Variants in HS3ST5 observed in about 807,000 individuals in gnomAD.
HS3ST5 encodes heparan sulfate glucosamine 3-O-sulfotransferase 5.
A neutral mutation model predicts 25.4 loss-of-function variants in HS3ST5; 10 were observed. The observed-to-expected ratio is 0.39, with a 90% CI of 0.24 to 0.67. The LOEUF (loss-of-function observed/expected upper bound fraction) is 0.67, where lower values mean the gene tolerates loss of function less well. Ranked by LOEUF, HS3ST5 falls within the 30% of genes least tolerant of loss-of-function variation. The pLI is 0.44. For missense variants in HS3ST5, 324 were observed against 420.7 expected (o/e 0.77, Z 2.01); for synonymous variants, 170 against 162.4 (o/e 1.05, Z -0.36).
chr6:114,224,496 A>G (rs1231286160), intron 2 of HS3ST5, among the ~76,000 whole-genome samples: 1 of 151,426 alleles, frequency 6.6e-6, no homozygotes, highest in Non-Finnish European at 1.5e-5. Flanking sequence ...TGTGAGAGGA[A>G]AAGTTCTCTC....
intron 3 of HS3ST5, among the ~76,000 whole-genome samples, chr6:114,067,357 TGTTTAA>T (rs1176946428): frequency 6.6e-6 from 1 of 152,078 alleles, no homozygotes; most frequent in Non-Finnish European, 1.5e-5. Flanking sequence ...ATGGTTAAAC[TGTTTAA>T]GTTTAGCAGA....
chr6:114,332,282 T>C (rs2786206), intron 1 of HS3ST5, among the ~76,000 whole-genome samples: 9,304 of 152,144 alleles, frequency 0.061, 874 homozygotes, highest in African/African-American at 0.2. Context: ...ACCAGGCACA[T>C]TGTCCCCATT....
intron 3 of HS3ST5, among the ~76,000 whole-genome samples, chr6:114,101,434 G>C (rs878913152): frequency 6.6e-6 from 1 of 152,112 alleles, no homozygotes; most frequent in Admixed American, 6.5e-5. Context: ...AGCACCACGT[G>C]GTTAAAAAAT....
At chr6:114,150,720 G>A (rs1189688159) in intron 3 of HS3ST5, among the ~76,000 whole-genome samples, 1 of 152,198 alleles carries the variant, frequency 6.6e-6, no homozygotes, top group African/African-American at 2.4e-5. Context: ...GTTAATGCCT[G>A]AGTGTAGGAG....
intron 3 of HS3ST5, 53 bp downstream of exon 3, chr6:114,168,298 G>A (rs573252234): frequency 6.6e-6 from 1 of 152,164 alleles, no homozygotes; most frequent in East Asian, 1.9e-4. Context: ...ATGAAAGTAG[G>A]GAATGCCAGA....
intron 3 of HS3ST5, among the ~76,000 whole-genome samples, chr6:114,114,929 T>C (rs1226301678): frequency 6.6e-6 from 1 of 152,138 alleles, no homozygotes; most frequent in Non-Finnish European, 1.5e-5. Context: ...AAATCACCTT[T>C]GATATTATCT....
chr6:114,178,492 C>A (rs145009313), intron 2 of HS3ST5, among the ~76,000 whole-genome samples: 1 of 152,308 alleles, frequency 6.6e-6, no homozygotes, highest in African/African-American at 2.4e-5. Flanking sequence ...AGGGAGAATA[C>A]ACACATAGGA....
chr6:114,103,200 A>C (rs1204123564), intron 3 of HS3ST5, among the ~76,000 whole-genome samples: 1 of 152,106 alleles, frequency 6.6e-6, no homozygotes, highest in Non-Finnish European at 1.5e-5. Context: ...ACTTTTAATA[A>C]GTATGAATTC....
intron 1 of HS3ST5, among the ~76,000 whole-genome samples, chr6:114,243,552 G>C (rs2114596304): frequency 6.6e-6 from 1 of 152,314 alleles, no homozygotes; most frequent in East Asian, 1.9e-4. Context: ...GAATAGCACA[G>C]CACAGTTCTT....
chr6:114,217,988 TTTC>T (rs1216090271), intron 2 of HS3ST5, among the ~76,000 whole-genome samples: 1 of 152,092 alleles, frequency 6.6e-6, no homozygotes. Context: ...TACATACGTA[TTTC>T]TTCTTTTCTT....
chr6:114,279,176 T>C (rs1431863369), intron 1 of HS3ST5, among the ~76,000 whole-genome samples: 1 of 152,000 alleles, frequency 6.6e-6, no homozygotes, highest in African/African-American at 2.4e-5. Flanking sequence ...TATGCCAATA[T>C]TTAGATGTGT....
At chr6:114,159,249 C>CA (rs1477033901) in intron 3 of HS3ST5, among the ~76,000 whole-genome samples, 1 of 152,102 alleles carries the variant, frequency 6.6e-6, no homozygotes, top group Non-Finnish European at 1.5e-5. Context: ...GGAATAGACC[C>CA]AACAGAGGTG....
chr6:114,126,596 G>A (rs1777049311), intron 3 of HS3ST5, among the ~76,000 whole-genome samples: 1 of 152,196 alleles, frequency 6.6e-6, no homozygotes, highest in Non-Finnish European at 1.5e-5. Flanking sequence ...AATGAAGTGA[G>A]GTATCTAATG....
At chr6:114,303,433 G>A (rs116015057) in intron 1 of HS3ST5, among the ~76,000 whole-genome samples, 1 of 146,462 alleles carries the variant, frequency 6.8e-6, no homozygotes, top group Non-Finnish European at 1.5e-5. Context: ...CTGAAAATTT[G>A]TAAGCAAAAT....
At chr6:114,210,339 T>G (rs1781458533) in intron 2 of HS3ST5, among the ~76,000 whole-genome samples, 1 of 152,170 alleles carries the variant, frequency 6.6e-6, no homozygotes, top group Non-Finnish European at 1.5e-5. Context: ...AAAAAATCTG[T>G]GATCACAATT....
In HS3ST5 at chr6:114,076,835, C is replaced by A. The variant is rs57522583; in HGVS notation, c.-32-13958G>T. On this transcript the variant is annotated intron_variant, in intron 3 of 4. Coordinates refer to ENST00000312719, the MANE Select transcript of HS3ST5 (RefSeq NM_153612.4). ...GGGTAGAGATTAAGAGGAAAATGGACACCATTTGTTAGTAGATTAAGCAGA... is the reference window on the plus strand; with the variant it reads ...GGGTAGAGATTAAGAGGAAAATGGAAACCATTTGTTAGTAGATTAAGCAGA... Among the ~76,000 whole-genome samples the A allele has an allele frequency of 9.8e-3, 1,485 of 152,268 alleles. 22 individuals carry two copies. The highest frequency in any genetic ancestry group is 0.035 in the African/African-American group (1,434 of 41,536).
intron 2 of HS3ST5, among the ~76,000 whole-genome samples, chr6:114,197,212 C>G (rs1780804117): frequency 6.6e-6 from 1 of 151,506 alleles, no homozygotes; most frequent in South Asian, 2.1e-4. Flanking sequence ...AATCACTTAC[C>G]AAGTTCTTGC....
At chr6:114,140,679 C>T (rs979729882) in intron 3 of HS3ST5, among the ~76,000 whole-genome samples, 10 of 152,162 alleles carry the variant, frequency 6.6e-5, no homozygotes, top group Non-Finnish European at 1.5e-5. Flanking sequence ...CACAGAAGAG[C>T]ACGCTGGGCA....
chr6:114,324,220 G>T (rs1296891529), intron 1 of HS3ST5, among the ~76,000 whole-genome samples: 1 of 152,192 alleles, frequency 6.6e-6, no homozygotes, highest in African/African-American at 2.4e-5. Context: ...TTAGTGACTG[G>T]ATAAGAAAAA....
Sources: gnomAD v4.1 joint callset for allele counts (sites outside exome capture counted in the v4.1 genomes callset) on GRCh38, gnomAD v4.1.1 for gene constraint, MANE v1.5 for transcripts, NCBI Gene and HGNC (gene_info 2026-07-23, HGNC 2026-07-21) for gene names.